TUT4: variants seen among roughly 807,000 people sequenced by gnomAD.
The protein encoded by TUT4 is terminal uridylyl transferase 4.
In TUT4, 36 loss-of-function variants were observed where a neutral mutation model predicts 192.2. The observed-to-expected ratio is 0.19, with a 90% CI of 0.14 to 0.25. The LOEUF (loss-of-function observed/expected upper bound fraction) is 0.25. TUT4 is among the 10% of genes least tolerant of loss of function. TUT4 has a pLI of 1.00. For synonymous variants in TUT4, 618 were observed against 666.0 expected, an observed-to-expected ratio of 0.93 and a Z score of 1.11; for missense variants, 1,493 against 1,957.2, an observed-to-expected ratio of 0.76 and a Z score of 4.47.
Position 52,435,653 on chromosome 1 carries a change from T to C in TUT4, c.4163-188A>G, listed in dbSNP as rs538862927. ...TGAGCTACTTAATTTTAAAAGCTAT[T>C]TGTCAAACTAGCAGATCAAGAAAAA... On this transcript the variant is annotated intron_variant, in intron 26 of 29. Transcript: ENST00000257177. Among the ~76,000 whole-genome samples the C allele has an allele frequency of 4.6e-5, 7 of 152,354 alleles. No individual in the cohort carries two copies. In the South Asian group the frequency reaches 8.3e-4, roughly 18 times the overall value.
At chr1:52,547,195 T>TGAGTTCTTA (rs1390116908) in intron 1 of TUT4, among the ~76,000 whole-genome samples, 1 of 149,478 alleles carries the variant, frequency 6.7e-6, no homozygotes, top group East Asian at 1.9e-4. Context: ...CAGAATATAT[T>TGAGTTCTTA]GAGTTCTTAA....
intron 4 of TUT4, among the ~76,000 whole-genome samples, chr1:52,502,377 A>T (rs966147647): frequency 6.6e-6 from 1 of 152,050 alleles, no homozygotes; most frequent in Non-Finnish European, 1.5e-5. Context: ...ATGTGTATCC[A>T]CCTGGTAAAA....
At chr1:52,461,917 C>T (rs1480328786) in intron 16 of TUT4, 148 bp from the exon 17 acceptor site, 3 of 526,776 alleles carry the variant, frequency 5.7e-6, no homozygotes, top group Non-Finnish European at 1.0e-5. Flanking sequence ...ATTCATAGAC[C>T]TACAGTATCA....
chr1:52,457,623 C>T (rs188179009), intron 20 of TUT4, among the ~76,000 whole-genome samples: 80 of 152,266 alleles, frequency 5.3e-4, no homozygotes, highest in African/African-American at 1.8e-3. Context: ...ATGCTTGTCT[C>T]CTAAATAAAA....
At chr1:52,461,388 T>G (rs1662505349) in intron 18 of TUT4, 125 bp downstream of exon 18, 1 of 1,130,238 alleles carries the variant, frequency 8.8e-7, no homozygotes, top group Non-Finnish European at 1.2e-6. Context: ...GAAGGAACTA[T>G]CAAGATAACT....
At chr1:52,547,445 A>T (rs1158677997) in intron 1 of TUT4, among the ~76,000 whole-genome samples, 1 of 152,070 alleles carries the variant, frequency 6.6e-6, no homozygotes, top group East Asian at 1.9e-4. Context: ...GTAAAATGGT[A>T]CAACTTTGGA....
chr1:52,535,816 C>A (rs1345067882), intron 1 of TUT4, among the ~76,000 whole-genome samples: 1 of 152,086 alleles, frequency 6.6e-6, no homozygotes, highest in Non-Finnish European at 1.5e-5. Flanking sequence ...CAGCTGATTG[C>A]CCATAAGAAA....
chr1:52,457,822 T>C (rs1358092613), intron 20 of TUT4, among the ~76,000 whole-genome samples: 1 of 152,194 alleles, frequency 6.6e-6, no homozygotes. Flanking sequence ...AATCTGTTTC[T>C]TTCAATGTAC....
intron 16 of TUT4, among the ~76,000 whole-genome samples, chr1:52,464,673 C>T (rs1363461890): frequency 6.6e-6 from 1 of 152,120 alleles, no homozygotes; most frequent in Admixed American, 6.6e-5. Flanking sequence ...ATATTTACTA[C>T]CTATAGTAAC....
intron 15 of TUT4, among the ~76,000 whole-genome samples, chr1:52,466,769 C>G (rs923365518): frequency 4.0e-5 from 6 of 150,746 alleles, no homozygotes; most frequent in African/African-American, 1.5e-4. Context: ...CTCCCAGGTT[C>G]AAGTGATTCT....
At chr1:52,474,587 TC>T (rs1557768144) in intron 13 of TUT4, among the ~76,000 whole-genome samples, 1 of 152,142 alleles carries the variant, frequency 6.6e-6, no homozygotes, top group African/African-American at 2.4e-5. Flanking sequence ...ATCAGATGAA[TC>T]CTTTCATATA....
rs145999041 is a variant in TUT4, at chr1:52,485,643, T to C, written c.1515+3266A>G. ...CATTTCTAGCTGACTTAAAAGTTTC[T>C]GTTAGGGAGAACATGCCCTTTCAGC... On this transcript the variant is annotated intron_variant, in intron 9 of 29. Transcript: ENST00000257177. 5.0e-3 allele frequency among the ~76,000 whole-genome samples: 767 copies of C among 151,972 alleles called. 8 individuals are homozygous for C. Among genetic ancestry groups the C allele is most frequent in the African/African-American group, 0.017 (710 of 41,292 alleles).
rs1407998702 is a variant in TUT4 at position 52,481,883 on chromosome 1, G to A, written c.1556C>T (p.Ser519Phe). 6.3e-7 allele frequency: 1 copy of A among 1,596,826 alleles called. No individual in the cohort carries two copies. Among genetic ancestry groups the A allele is most frequent in the Non-Finnish European group, 8.5e-7 (1 of 1,175,594 alleles). The change falls in exon 10 of 30, where the codon TCT becomes TTT. Residue 519 changes from serine to phenylalanine, a missense_variant. Ser to Phe is a radical substitution (Grantham distance 155). This residue lies in a region of TUT4 where 437 missense variants were observed against 577.6 expected (regional missense o/e 0.76). Transcript: ENST00000257177. ...CATCACCATTAAAGCAAAACAGTAA[G>A]AAGGGATTCCACCATCAGTTTGGGA... ...IDSQTDGGIP[S>F]YCFALMVMFF...
At chr1:52,476,677 G>A (rs1667168875) in intron 12 of TUT4, among the ~76,000 whole-genome samples, 1 of 152,088 alleles carries the variant, frequency 6.6e-6, no homozygotes, top group East Asian at 1.9e-4. Context: ...AAAAAAAAGA[G>A]ATAAATTATG....
chr1:52,449,441 G>C (rs1363661536), intron 20 of TUT4, among the ~76,000 whole-genome samples: 2 of 152,190 alleles, frequency 1.3e-5, no homozygotes, highest in Non-Finnish European at 2.9e-5. Flanking sequence ...TGGGATTACA[G>C]GCATATGCCA....
intron 28 of TUT4, among the ~76,000 whole-genome samples, chr1:52,428,800 A>G (rs890361981): frequency 1.3e-5 from 2 of 151,918 alleles, no homozygotes; most frequent in Non-Finnish European, 2.9e-5. Flanking sequence ...AAAACTATAT[A>G]CTTTTTTAGA....
chr1:52,474,081 G>A (rs995280032), intron 13 of TUT4, among the ~76,000 whole-genome samples: 3 of 152,108 alleles, frequency 2.0e-5, no homozygotes, highest in Admixed American at 6.5e-5. Flanking sequence ...GGTGGCATGC[G>A]CCTGTTGTCC....
rs1214335719 is a variant in TUT4, at chr1:52,515,960, A to C, written c.813T>G (p.Pro271=). Residue 271 remains proline (P), a synonymous_variant, in exon 3 of 30, where the codon CCT becomes CCG. Transcript: ENST00000257177. ...CTTGTTTCAACCCCAGCCTCTGCTCAGGTGTCAATGCAGATTCATCTATCA... is the reference window on the plus strand; with the variant it reads ...CTTGTTTCAACCCCAGCCTCTGCTCCGGTGTCAATGCAGATTCATCTATCA... ...ATVIDESALT[P]EQRLGLKQAE... 6.2e-7 allele frequency: 1 copy of C among 1,613,622 alleles called. No individual in the cohort carries two copies. The highest frequency in any genetic ancestry group is 8.5e-7 in the Non-Finnish European group (1 of 1,179,896).
intron 28 of TUT4, among the ~76,000 whole-genome samples, chr1:52,426,838 A>C (rs1371829130): frequency 6.6e-6 from 1 of 152,224 alleles, no homozygotes; most frequent in Non-Finnish European, 1.5e-5. Flanking sequence ...CCAGAAAATG[A>C]GTAATACAAT....
Sources: allele counts gnomAD v4.1 joint callset (sites outside exome capture counted in the v4.1 genomes callset), GRCh38; gene constraint gnomAD v4.1.1; regional missense constraint gnomAD v4.1.1; transcripts MANE v1.5; gene names NCBI Gene and HGNC (gene_info 2026-07-23, HGNC 2026-07-21).